PCBP3: variants seen among roughly 807,000 people sequenced by gnomAD.
PCBP3 encodes poly(rC) binding protein 3, also known as poly(rC)-binding protein 3.
PCBP3 carries 25 observed loss-of-function variants against 52.7 expected under a neutral mutation model. That is an observed-to-expected ratio of 0.47 (90% CI 0.35 to 0.66). PCBP3 has a LOEUF of 0.66. PCBP3 is among the 30% of genes least tolerant of loss of function. The pLI is 0.01. For synonymous variants in PCBP3, 162 were observed against 183.0 expected (o/e 0.89, Z 0.93); for missense variants, 391 against 490.3 (o/e 0.80, Z 1.91).
chr21:45,712,348 T>G (rs1323907151), intron 2 of PCBP3, among the ~76,000 whole-genome samples: 1 of 152,232 alleles, frequency 6.6e-6, no homozygotes, highest in Non-Finnish European at 1.5e-5. Context: ...GTGGCTGTAC[T>G]ATTTTGCATT....
chr21:45,729,035 G>T (rs1026130773), intron 2 of PCBP3, among the ~76,000 whole-genome samples: 3 of 152,074 alleles, frequency 2.0e-5, no homozygotes, highest in Non-Finnish European at 4.4e-5. Context: ...TTGTTACCAC[G>T]AAGGAATACC....
rs184870337 is a variant in PCBP3, at chr21:45,890,666, T to C, written c.11-5542T>C. 5.1e-4 allele frequency among the ~76,000 whole-genome samples: 74 copies of C among 144,376 alleles called. No homozygotes were observed. The East Asian group carries it at 0.011, about 22-fold the overall frequency. 94.7% of individuals were successfully genotyped at this position (144,376 alleles called of 152,430 possible). ...TGAGGGGAATGTAGATAATAGAACC[T>C]AGAACTCTGCATTGCTGAGGGGAAT... On this transcript the variant is annotated intron_variant, in intron 5 of 17. Transcript: ENST00000681687.
chr21:45,807,464 A>G (rs1196987447), intron 4 of PCBP3, among the ~76,000 whole-genome samples: 1 of 152,220 alleles, frequency 6.6e-6, no homozygotes, highest in Admixed American at 6.5e-5. Flanking sequence ...ATACCTAGGA[A>G]TACAACTTAC....
At chr21:45,888,355 C>G (rs527270007) in intron 5 of PCBP3, among the ~76,000 whole-genome samples, 1 of 152,228 alleles carries the variant, frequency 6.6e-6, no homozygotes, top group Non-Finnish European at 1.5e-5. Flanking sequence ...TAATAACTGG[C>G]GTTACCTCCA....
intron 13 of PCBP3, among the ~76,000 whole-genome samples, chr21:45,923,624 A>T (rs906450884): frequency 4.6e-5 from 7 of 152,236 alleles, no homozygotes; most frequent in Non-Finnish European, 5.9e-5. Context: ...AGGCCTGAGA[A>T]GGAAGAACAT....
intron 5 of PCBP3, among the ~76,000 whole-genome samples, chr21:45,892,344 C>T (rs2095688097): frequency 6.6e-6 from 1 of 152,112 alleles, no homozygotes. Context: ...AGGTTTCTGC[C>T]CCTGGCATTG....
rs1173711591 is a variant in PCBP3, at chr21:45,821,601, TC to T, written c.-125-28359del. Among the ~76,000 whole-genome samples the T allele has an allele frequency of 6.6e-6, 1 of 151,582 alleles. No individual in the cohort carries two copies. The highest frequency in any genetic ancestry group is 2.4e-5 in the African/African-American group (1 of 41,192). ...TAACTCATTTCTAGAACTCTCTTCC[TC>T]ACCTGTCTCCCTGGTTCTTGTTCTG... On this transcript the variant is annotated intron_variant, in intron 4 of 17. Coordinates refer to ENST00000681687, the MANE Select transcript of PCBP3 (RefSeq NM_001384156.1). The surrounding 1 kb of genome is among the most constrained non-coding windows in gnomAD (Gnocchi z 4.4).
chr21:45,711,208 T>C (rs11911839), intron 2 of PCBP3, among the ~76,000 whole-genome samples: 104,328 of 152,074 alleles, frequency 0.69, 37,166 homozygotes, highest in African/African-American at 0.88. Context: ...TTTAGGCCAT[T>C]TTAGCTGACA....
chr21:45,661,743 T>C (rs1399188910), intron 1 of PCBP3, among the ~76,000 whole-genome samples: 1 of 152,210 alleles, frequency 6.6e-6, no homozygotes, highest in Non-Finnish European at 1.5e-5. Context: ...CACACTGTTT[T>C]CCATAGAGAT....
At chr21:45,820,356 C>T (rs2093095857) in intron 4 of PCBP3, among the ~76,000 whole-genome samples, 1 of 152,250 alleles carries the variant, frequency 6.6e-6, no homozygotes, top group African/African-American at 2.4e-5. Flanking sequence ...CGTCGCTTTG[C>T]TGTCTGGGAA....
rs529192315 is a variant in PCBP3 at position 45,802,153 on chromosome 21, A to G, written c.-126+46701A>G. Among the ~76,000 whole-genome samples the G allele has an allele frequency of 4.6e-5, 7 of 152,320 alleles. No homozygotes were observed. The South Asian group carries it at 1.4e-3, about 32-fold the overall frequency. On this transcript the variant is annotated intron_variant, in intron 4 of 17. Transcript: ENST00000681687. This position sits in a 1 kb window ranked among gnomAD's most constrained non-coding sequence, Gnocchi z 5.1. ...CCATCCTGGGCAGAGGCCTTGGCCCAGTGCAAGCTCTTTCTGCCCACATTC... is the reference window on the plus strand; with the variant it reads ...CCATCCTGGGCAGAGGCCTTGGCCCGGTGCAAGCTCTTTCTGCCCACATTC...
intron 2 of PCBP3, among the ~76,000 whole-genome samples, chr21:45,732,544 G>C (rs1189513531): frequency 6.7e-5 from 10 of 149,952 alleles, no homozygotes; most frequent in Admixed American, 6.6e-4. Flanking sequence ...GACGTGCCTT[G>C]GTTTAGTTTA....
At chr21:45,713,301 T>A (rs1241340652) in intron 2 of PCBP3, among the ~76,000 whole-genome samples, 3 of 152,078 alleles carry the variant, frequency 2.0e-5, no homozygotes, top group Non-Finnish European at 2.9e-5. Context: ...GCTTGTAGGC[T>A]CTCTCTCTAG....
chr21:45,857,009 G>A (rs1414744269), intron 5 of PCBP3, among the ~76,000 whole-genome samples: 2 of 152,138 alleles, frequency 1.3e-5, no homozygotes, highest in African/African-American at 2.4e-5. Flanking sequence ...GGAGACCAAG[G>A]TTCTTCTGAA....
chr21:45,736,604 C>T lies in PCBP3; in HGVS notation c.-162+1175C>T, dbSNP rs2085887596. Among the ~76,000 whole-genome samples, 1 of 152,020 alleles carries T rather than the reference C, an allele frequency of 6.6e-6. No individual in the cohort carries two copies. The highest frequency in any genetic ancestry group is 6.5e-5 in the Admixed American group (1 of 15,278). ...CATGGGGAGTTGGCAGGGGGAGGCT[C>T]TCGGAGAGATGGCATGGAGGGGTTG... On this transcript the variant is annotated intron_variant, in intron 3 of 17. Coordinates refer to ENST00000681687, the MANE Select transcript of PCBP3 (RefSeq NM_001384156.1). The surrounding 1 kb of genome is among the most constrained non-coding windows in gnomAD (Gnocchi z 4.6).
At chr21:45,716,683 A>G (rs552181661) in intron 2 of PCBP3, among the ~76,000 whole-genome samples, 1 of 152,218 alleles carries the variant, frequency 6.6e-6, no homozygotes, top group African/African-American at 2.4e-5. Context: ...GATTTGGGGG[A>G]TTAGGTCTTC....
chr21:45,774,059 T>A (rs999442207), intron 4 of PCBP3, among the ~76,000 whole-genome samples: 2 of 152,226 alleles, frequency 1.3e-5, no homozygotes, highest in African/African-American at 4.8e-5. Context: ...GCTGCTGATT[T>A]TGTATGTTGA....
chr21:45,716,949 A>G (rs1456720147), intron 2 of PCBP3, among the ~76,000 whole-genome samples: 1 of 152,168 alleles, frequency 6.6e-6, no homozygotes, highest in Non-Finnish European at 1.5e-5. Context: ...AGATTAGTTT[A>G]GGACATATTG....
chr21:45,917,411 C>G lies in PCBP3; in HGVS notation c.676-177C>G. On this transcript the variant is annotated intron_variant, in intron 12 of 17. Coordinates refer to ENST00000681687, the MANE Select transcript of PCBP3 (RefSeq NM_001384156.1). This position sits in a 1 kb window ranked among gnomAD's most constrained non-coding sequence, Gnocchi z 5.3. Reference sequence around the variant, plus strand: ...CCCAGAGGAAGTGGGTGCGGCTCCCCTGGGGCTCCTGGTGCCCTGGGAGGG... The same window carrying G: ...CCCAGAGGAAGTGGGTGCGGCTCCCGTGGGGCTCCTGGTGCCCTGGGAGGG... 1 of 589,496 alleles carries G rather than the reference C, an allele frequency of 1.7e-6. No individual in the cohort carries two copies. Among genetic ancestry groups the G allele is most frequent in the Non-Finnish European group, 3.0e-6 (1 of 330,624 alleles). 36.5% of individuals were successfully genotyped at this position (589,496 alleles called of 1,614,324 possible).
Sources: allele counts gnomAD v4.1 joint callset (sites outside exome capture counted in the v4.1 genomes callset), GRCh38; gene constraint gnomAD v4.1.1; non-coding constraint Gnocchi (gnomAD v3.1); transcripts MANE v1.5; gene names NCBI Gene and HGNC (gene_info 2026-07-23, HGNC 2026-07-21).